GPBP1: variants seen among roughly 807,000 people sequenced by gnomAD.
The protein encoded by GPBP1 is vasculin.
Under a neutral mutation model 56.5 loss-of-function variants are expected in GPBP1, and 13 were observed. The ratio of observed to expected loss-of-function variants is 0.23; its 90% CI spans 0.15 to 0.37. GPBP1 has a LOEUF of 0.37. Ranked by LOEUF, GPBP1 falls within the 10% of genes least tolerant of loss-of-function variation. GPBP1 has a pLI of 1.00. For missense variants in GPBP1, 477 were observed against 572.3 expected (o/e 0.83, Z 1.70); for synonymous variants, 204 against 188.9 (o/e 1.08, Z -0.66).
intron 3 of GPBP1, among the ~76,000 whole-genome samples, chr5:57,215,948 T>G (rs1167940208): frequency 2.0e-3 from 280 of 136,784 alleles, no homozygotes; most frequent in Middle Eastern, 4.9e-3. Flanking sequence ...AATAAAGTTA[T>G]TTCCTTTGAG....
intron 6 of GPBP1, among the ~76,000 whole-genome samples, chr5:57,241,695 G>A (rs1740843369): frequency 6.6e-6 from 1 of 152,250 alleles, no homozygotes; most frequent in Non-Finnish European, 1.5e-5. Flanking sequence ...GAATACCTGT[G>A]TAGGTGAGGT....
chr5:57,209,396 G>C (rs1373299771), intron 2 of GPBP1, among the ~76,000 whole-genome samples: 1 of 152,172 alleles, frequency 6.6e-6, no homozygotes, highest in African/African-American at 2.4e-5. Context: ...AAACTGTGGG[G>C]CTCTAGCACT....
At chr5:57,197,089 A>AT (rs1754797677) in intron 2 of GPBP1, among the ~76,000 whole-genome samples, 1 of 151,970 alleles carries the variant, frequency 6.6e-6, no homozygotes, top group African/African-American at 2.4e-5. Flanking sequence ...CCTGTTTTGA[A>AT]TTTTAGTAGA....
chr5:57,232,372 A>G (rs1756497794), intron 5 of GPBP1, among the ~76,000 whole-genome samples: 1 of 152,238 alleles, frequency 6.6e-6, no homozygotes, highest in Non-Finnish European at 1.5e-5. Flanking sequence ...CACTTATGCT[A>G]ACATTCTTAA....
intron 3 of GPBP1, among the ~76,000 whole-genome samples, chr5:57,220,618 C>G (rs546479022): frequency 6.6e-6 from 1 of 151,830 alleles, no homozygotes; most frequent in African/African-American, 2.4e-5. Context: ...TGCTATCACA[C>G]CCAGCTGATT....
chr5:57,222,374 C>A (rs760319210), intron 3 of GPBP1, among the ~76,000 whole-genome samples: 1 of 152,160 alleles, frequency 6.6e-6, no homozygotes, highest in African/African-American at 2.4e-5. Context: ...CCATATGTAT[C>A]AGACTTTAAA....
At chr5:57,231,049 T>A in intron 4 of GPBP1, 49 bp from the exon 5 acceptor site, 1 of 1,586,846 alleles carries the variant, frequency 6.3e-7, no homozygotes, top group Non-Finnish European at 8.6e-7. Flanking sequence ...ATTCAATCTT[T>A]AAGCTTCTCT....
At chr5:57,231,389 T>G in intron 5 of GPBP1, 68 bp downstream of exon 5, 1 of 1,253,624 alleles carries the variant, frequency 8.0e-7, no homozygotes, top group Non-Finnish European at 1.1e-6. Context: ...TTCTCCTGCC[T>G]CAGCCTCTCC....
At chr5:57,196,107 G>C (rs907198954) in intron 2 of GPBP1, among the ~76,000 whole-genome samples, 10 of 147,620 alleles carry the variant, frequency 6.8e-5, no homozygotes, top group Non-Finnish European at 1.5e-4. Context: ...GTTACTTCTT[G>C]TCAGTGTTTT....
intron 3 of GPBP1, among the ~76,000 whole-genome samples, chr5:57,216,671 G>A (rs1755711494): frequency 6.6e-6 from 1 of 152,110 alleles, no homozygotes; most frequent in South Asian, 2.1e-4. Flanking sequence ...GGGTGAAGGA[G>A]TGAGACTCTG....
At chr5:57,227,848 T>G (rs889334042) in intron 3 of GPBP1, among the ~76,000 whole-genome samples, 14 of 152,192 alleles carry the variant, frequency 9.2e-5, no homozygotes, top group African/African-American at 2.4e-5. Flanking sequence ...CTTGAAAGAC[T>G]CTGACATATA....
intron 3 of GPBP1, among the ~76,000 whole-genome samples, chr5:57,225,491 CAAAAAAAAAAA>C (rs554699501): frequency 2.6e-5 from 1 of 38,136 alleles, no homozygotes; most frequent in Admixed American, 3.1e-4. Flanking sequence ...GATTCCTTCT[CAAAAAAAAAAA>C]AAAAAAAAAC....
chr5:57,231,075 T>C lies in GPBP1; in HGVS notation c.188-23T>C. 2.5e-6 allele frequency: 4 copies of C among 1,592,824 alleles called. 1 individual carries two copies. The highest frequency in any genetic ancestry group is 3.4e-6 in the Non-Finnish European group (4 of 1,167,902). Reference sequence around the variant, plus strand: ...AAGCTTCTCTTCTTTGAATTTATATTACTTTGCTATTATCAAATAAAGGTA... The same window carrying C: ...AAGCTTCTCTTCTTTGAATTTATATCACTTTGCTATTATCAAATAAAGGTA... On this transcript the variant is annotated intron_variant, in intron 4 of 11. Transcript: ENST00000506184.
At position 57,221,788 on chromosome 5, in the gene GPBP1, G is replaced by A. The variant is rs145661177; in HGVS notation, c.63+7595G>A. On this transcript the variant is annotated intron_variant, in intron 3 of 11. Transcript: ENST00000506184. ...GACAATGTAAGCAGTGTCAGCTTGC[G>A]ATGAAAATGTAGGCTATTTATACTT... Among the ~76,000 whole-genome samples the A allele has an allele frequency of 1.7e-3, 258 of 152,240 alleles. 5 individuals are homozygous for A. The highest frequency in any genetic ancestry group is 3.4e-3 in the Middle Eastern group (1 of 292).
chr5:57,221,387 C>A, intron 3 of GPBP1: 1 of 1,527,344 alleles, frequency 6.5e-7, no homozygotes, highest in Non-Finnish European at 8.9e-7. Context: ...TCCTGACCAG[C>A]AGTTTGAAAG....
At chr5:57,255,866 G>C (rs1418603804) in intron 10 of GPBP1, among the ~76,000 whole-genome samples, 1 of 152,212 alleles carries the variant, frequency 6.6e-6, no homozygotes, top group African/African-American at 2.4e-5. Flanking sequence ...TTGTGGAAGA[G>C]AGACTTTAGT....
intron 2 of GPBP1, among the ~76,000 whole-genome samples, chr5:57,199,927 T>C (rs1470221303): frequency 6.6e-6 from 1 of 152,014 alleles, no homozygotes; most frequent in Non-Finnish European, 1.5e-5. Context: ...GGTTTTTTTT[T>C]TTCTTTTGGA....
In GPBP1 at chr5:57,190,402, C is replaced by T. The variant is rs537403709; in HGVS notation, c.-58+14002C>T. On this transcript the variant is annotated intron_variant, in intron 2 of 11. Transcript: ENST00000506184. ...GAGTTCAAGACCAGCCTGGCCAACA[C>T]GGTGAAACCCCATCTCTACTAAAAG... 9.9e-5 allele frequency among the ~76,000 whole-genome samples: 15 copies of T among 151,784 alleles called. No homozygotes were observed. In the Middle Eastern group the frequency reaches 0.014, roughly 138 times the overall value.
chr5:57,189,505 A>T (rs2111625123), intron 2 of GPBP1, among the ~76,000 whole-genome samples: 1 of 152,234 alleles, frequency 6.6e-6, no homozygotes, highest in South Asian at 2.1e-4. Context: ...TGATCCACCC[A>T]CCTTGGCCTC....
Sources: allele counts gnomAD v4.1 joint callset (sites outside exome capture counted in the v4.1 genomes callset), GRCh38; gene constraint gnomAD v4.1.1; transcripts MANE v1.5; gene names NCBI Gene and HGNC (gene_info 2026-07-23, HGNC 2026-07-21).